ADAMTS17: variants seen among roughly 807,000 people sequenced by gnomAD.
The protein encoded by ADAMTS17 is ADAM metallopeptidase with thrombospondin type 1 motif 17, also known as A disintegrin and metalloproteinase with thrombospondin motifs 17.
ADAMTS17 carries 113 observed loss-of-function variants against 141.5 expected under a neutral mutation model. The observed-to-expected ratio is 0.80, with a 90% CI of 0.69 to 0.93. The LOEUF (loss-of-function observed/expected upper bound fraction) is 0.93, where lower values mean the gene tolerates loss of function less well. Ranked by LOEUF, ADAMTS17 falls within the 40% of genes least tolerant of loss-of-function variation. ADAMTS17 has a pLI of 0.00. For synonymous variants in ADAMTS17, 768 were observed against 630.6 expected (o/e 1.22, Z -3.27); for missense variants, 1,659 against 1,517.9 (o/e 1.09, Z -1.54).
intron 20 of ADAMTS17, among the ~76,000 whole-genome samples, chr15:99,978,343 G>A (rs970479663): frequency 6.6e-6 from 1 of 152,194 alleles, no homozygotes; most frequent in African/African-American, 2.4e-5. Flanking sequence ...CAGAGGGAAT[G>A]TTGCTCTAAA....
chr15:100,020,082 C>T (rs1034367367), intron 18 of ADAMTS17, among the ~76,000 whole-genome samples: 1 of 152,070 alleles, frequency 6.6e-6, no homozygotes, highest in Admixed American at 6.6e-5. Flanking sequence ...GAAATAAACA[C>T]CAAAGTCCTG....
At position 100,242,340 on chromosome 15, in the gene ADAMTS17, G is replaced by A. The variant is rs899868380; in HGVS notation, c.1075+11796C>T. On this transcript the variant is annotated intron_variant, in intron 7 of 21. Transcript: ENST00000268070. ...TGCCAGATGCAAATGAGGACTGTCC[G>A]TTGTCCAAAAACATCAGTGGTAACT... Among the ~76,000 whole-genome samples, 10 of 152,268 alleles carry A rather than the reference G, an allele frequency of 6.6e-5. No homozygotes were observed. In the South Asian group the frequency reaches 1.0e-3, roughly 16 times the overall value.
At chr15:100,014,271 C>T (rs2141416896) in intron 18 of ADAMTS17, among the ~76,000 whole-genome samples, 1 of 152,182 alleles carries the variant, frequency 6.6e-6, no homozygotes, top group African/African-American at 2.4e-5. Context: ...TGGATTTTCT[C>T]TCTTCTTTTC....
At chr15:100,218,244 C>A (rs1040169936) in intron 7 of ADAMTS17, among the ~76,000 whole-genome samples, 1 of 152,320 alleles carries the variant, frequency 6.6e-6, no homozygotes, top group African/African-American at 2.4e-5. Context: ...TGCTAACTAG[C>A]CTGATTTGAT....
At chr15:100,265,221 G>A (rs924233374) in intron 4 of ADAMTS17, among the ~76,000 whole-genome samples, 34 of 152,188 alleles carry the variant, frequency 2.2e-4, no homozygotes, top group African/African-American at 6.3e-4. Flanking sequence ...CTGAGGTCCC[G>A]TGCCAAGCCA....
intron 15 of ADAMTS17, among the ~76,000 whole-genome samples, chr15:100,081,770 G>C (rs2034753163): frequency 6.6e-6 from 1 of 152,146 alleles, no homozygotes; most frequent in Non-Finnish European, 1.5e-5. Context: ...AATCCATTTG[G>C]TGAAAAGATG....
chr15:100,203,902 A>G (rs1312162255), intron 7 of ADAMTS17, among the ~76,000 whole-genome samples: 1 of 151,918 alleles, frequency 6.6e-6, no homozygotes, highest in Non-Finnish European at 1.5e-5. Context: ...TGTCTCAAAA[A>G]AAAAAAAAGA....
At chr15:100,012,036 G>A (rs1338872087) in intron 18 of ADAMTS17, among the ~76,000 whole-genome samples, 1 of 152,132 alleles carries the variant, frequency 6.6e-6, no homozygotes, top group Non-Finnish European at 1.5e-5. Context: ...CCTGATCACG[G>A]CATCCATGTC....
At chr15:100,189,058 A>T (rs2040825261) in intron 8 of ADAMTS17, among the ~76,000 whole-genome samples, 1 of 152,212 alleles carries the variant, frequency 6.6e-6, no homozygotes, top group South Asian at 2.1e-4. Context: ...ATCATGTTCT[A>T]CACGAGTCCC....
intron 13 of ADAMTS17, 32 bp from the exon 14 acceptor site, chr15:100,109,148 C>T (rs185129613): frequency 6.6e-5 from 104 of 1,586,846 alleles, no homozygotes; most frequent in East Asian, 5.5e-4. Context: ...GACGTTGACA[C>T]GGGAAGGTGT....
chr15:100,101,504 T>G (rs2036097768), intron 14 of ADAMTS17, among the ~76,000 whole-genome samples: 1 of 152,222 alleles, frequency 6.6e-6, no homozygotes, highest in African/African-American at 2.4e-5. Context: ...TCTTCTTGGT[T>G]GTTAAATCAC....
rs1596254167 is a variant in ADAMTS17 at position 100,198,928 on chromosome 15, T to C, written c.1181+390A>G. ...ACAATCAGAAAGTTGGACTTTAGAA[T>C]TGGCAGAAAAAGACATGGAAAGTCA... On this transcript the variant is annotated intron_variant, in intron 8 of 21. Transcript: ENST00000268070. Among the ~76,000 whole-genome samples, 4 of 152,366 alleles carry C rather than the reference T, an allele frequency of 2.6e-5. 1 individual carries two copies. The highest frequency in any genetic ancestry group is 1.9e-4 in the East Asian group (1 of 5,194).
chr15:100,266,193 C>T (rs753589209), intron 4 of ADAMTS17, among the ~76,000 whole-genome samples: 4 of 152,236 alleles, frequency 2.6e-5, no homozygotes, highest in Non-Finnish European at 5.9e-5. Context: ...CCCACACCCA[C>T]GGTTTCTGGT....
intron 8 of ADAMTS17, among the ~76,000 whole-genome samples, chr15:100,186,702 T>C (rs1230384410): frequency 1.3e-5 from 2 of 152,198 alleles, no homozygotes; most frequent in Non-Finnish European, 2.9e-5. Flanking sequence ...AGTATCCAGC[T>C]CACAGTTCTC....
chr15:100,117,044 A>G, intron 12 of ADAMTS17, 31 bp from the exon 13 acceptor site: 1 of 1,574,808 alleles, frequency 6.3e-7, no homozygotes, highest in Non-Finnish European at 8.6e-7. Context: ...TGTGTTAACC[A>G]GGTGGTGCGA....
chr15:100,238,411 G>T (rs1434905291), intron 7 of ADAMTS17, among the ~76,000 whole-genome samples: 3 of 152,188 alleles, frequency 2.0e-5, no homozygotes, highest in African/African-American at 7.2e-5. Flanking sequence ...TTGGTGCCTT[G>T]AGTGTCCCCA....
At chr15:100,117,521 C>G (rs7173066) in intron 12 of ADAMTS17, among the ~76,000 whole-genome samples, 46,131 of 152,084 alleles carry the variant, frequency 0.3, 8,671 homozygotes, top group African/African-American at 0.53. Flanking sequence ...TGGGCTTTGA[C>G]TGGAGACCAG....
chr15:100,138,340 G>A (rs1424800503), intron 10 of ADAMTS17, among the ~76,000 whole-genome samples: 1 of 152,166 alleles, frequency 6.6e-6, no homozygotes, highest in African/African-American at 2.4e-5. Flanking sequence ...GATTTAAACT[G>A]TCAAGGTGTT....
At chr15:100,160,761 T>C (rs75346953) in intron 8 of ADAMTS17, among the ~76,000 whole-genome samples, 3,105 of 152,098 alleles carry the variant, frequency 0.02, 166 homozygotes, top group East Asian at 0.2. Context: ...GTTTCTGGAG[T>C]TTGTCTCTAA....
Sources: allele counts gnomAD v4.1 joint callset (sites outside exome capture counted in the v4.1 genomes callset), GRCh38; gene constraint gnomAD v4.1.1; transcripts MANE v1.5; gene names NCBI Gene and HGNC (gene_info 2026-07-23, HGNC 2026-07-21).